Variants in GPC5 observed in about 807,000 individuals in gnomAD.
The protein encoded by GPC5 is glypican 5.
A neutral mutation model predicts 53.9 loss-of-function variants in GPC5; 47 were observed. The ratio of observed to expected loss-of-function variants is 0.87; its 90% CI spans 0.69 to 1.11. GPC5 has a LOEUF of 1.11. GPC5 is among the 50% of genes most tolerant of loss of function. The pLI is 0.00. For synonymous variants in GPC5, 286 were observed against 263.3 expected, an observed-to-expected ratio of 1.09 and a Z score of -0.84; for missense variants, 748 against 713.1, an observed-to-expected ratio of 1.05 and a Z score of -0.56.
In GPC5 at chr13:91,572,132, TACACATATGTATATATACGTGTGTATAC is replaced by T. The variant is rs1566517179; in HGVS notation, c.326-121049_326-121022del. 5.3e-4 allele frequency among the ~76,000 whole-genome samples: 61 copies of T among 115,328 alleles called. 2 individuals are homozygous for T. Among genetic ancestry groups the T allele is most frequent in the African/African-American group, 1.7e-3 (46 of 27,820 alleles). The allele number at this position is 115,328 out of a possible 152,430, so 75.7% of individuals were successfully genotyped here. Reference sequence around the variant, plus strand: ...ACACATGTATATATACGTGTGTATATACACATATGTATATATACGTGTGTATACACACACATATGTATATATACGTGTG... The same window carrying T: ...ACACATGTATATATACGTGTGTATATACACACATATGTATATATACGTGTG... On this transcript the variant is annotated intron_variant, in intron 2 of 7. Coordinates refer to ENST00000377067, the MANE Select transcript of GPC5 (RefSeq NM_004466.6).
intron 7 of GPC5, among the ~76,000 whole-genome samples, chr13:92,643,857 C>T (rs955584465): frequency 7.5e-6 from 1 of 133,908 alleles, no homozygotes; most frequent in African/African-American, 2.5e-5. Flanking sequence ...TGCACATGTA[C>T]CCTAAAACTT....
chr13:91,564,008 ACTCCT>A (rs2031412312), intron 2 of GPC5, among the ~76,000 whole-genome samples: 1 of 151,608 alleles, frequency 6.6e-6, no homozygotes, highest in Non-Finnish European at 1.5e-5. Flanking sequence ...GACCCAACCA[ACTCCT>A]CTTTTGGGCT....
chr13:91,493,815 A>C (rs756394619), intron 2 of GPC5, among the ~76,000 whole-genome samples: 6 of 152,120 alleles, frequency 3.9e-5, no homozygotes, highest in Non-Finnish European at 8.8e-5. Context: ...AATAGAGGAG[A>C]ATCTGCAAAC....
intron 7 of GPC5, among the ~76,000 whole-genome samples, chr13:92,757,490 TTAAAC>T (rs1343996842): frequency 3.3e-5 from 5 of 152,144 alleles, no homozygotes; most frequent in African/African-American, 4.8e-5. Context: ...TGGGATCTAA[TTAAAC>T]TAAAGAGCTT....
intron 6 of GPC5, among the ~76,000 whole-genome samples, chr13:91,997,019 C>A (rs2138745845): frequency 6.6e-6 from 1 of 151,662 alleles, no homozygotes; most frequent in African/African-American, 2.4e-5. Context: ...TATTAATATC[C>A]TTTATTGTTT....
At chr13:92,671,476 G>A (rs1157438767) in intron 7 of GPC5, among the ~76,000 whole-genome samples, 1 of 152,132 alleles carries the variant, frequency 6.6e-6, no homozygotes, top group Non-Finnish European at 1.5e-5. Context: ...CTGCATTTGT[G>A]ATCCCTTTGT....
chr13:91,809,233 G>T (rs1435388629), intron 5 of GPC5, among the ~76,000 whole-genome samples: 1 of 152,016 alleles, frequency 6.6e-6, no homozygotes, highest in Non-Finnish European at 1.5e-5. Flanking sequence ...CCTTTGATTT[G>T]CTATTATACC....
In GPC5 at chr13:91,676,466, G is replaced by T. The variant is rs1438771287; in HGVS notation, c.326-16721G>T. On this transcript the variant is annotated intron_variant, in intron 2 of 7. Coordinates refer to ENST00000377067, the MANE Select transcript of GPC5 (RefSeq NM_004466.6). The stretch of plus-strand genomic sequence containing the variant: ...ATATAGGTGTACTCAGAAACAGAAT[G>T]AAAAAAAAGTCAGCTTTTAATACAG... 2.0e-5 allele frequency among the ~76,000 whole-genome samples: 3 copies of T among 151,768 alleles called. No homozygotes were observed. In the East Asian group the frequency reaches 5.8e-4, roughly 29 times the overall value.
chr13:92,438,379 AATAAATATATATAT>A (rs1566590524), intron 7 of GPC5, among the ~76,000 whole-genome samples: 1 of 98,436 alleles, frequency 1.0e-5, no homozygotes. Flanking sequence ...TTTAAAGCAA[AATAAATATATATAT>A]ATATATATAT....
chr13:92,803,652 G>C (rs1021171877), intron 7 of GPC5, among the ~76,000 whole-genome samples: 8 of 151,704 alleles, frequency 5.3e-5, no homozygotes, highest in African/African-American at 1.9e-4. Flanking sequence ...CCCTAAACTT[G>C]TAACTTTTTC....
At chr13:92,213,128 G>A (rs2042386915) in intron 7 of GPC5, among the ~76,000 whole-genome samples, 1 of 152,142 alleles carries the variant, frequency 6.6e-6, no homozygotes, top group Admixed American at 6.6e-5. Flanking sequence ...TCAAAGCTCA[G>A]GTTTCTCAGA....
intron 7 of GPC5, among the ~76,000 whole-genome samples, chr13:92,633,186 C>T (rs1230115157): frequency 6.6e-6 from 1 of 152,188 alleles, no homozygotes; most frequent in Non-Finnish European, 1.5e-5. Flanking sequence ...AGCCACCACG[C>T]CCAGCCAAAA....
chr13:92,029,595 A>G (rs1287683248), intron 6 of GPC5, among the ~76,000 whole-genome samples: 3 of 152,172 alleles, frequency 2.0e-5, no homozygotes, highest in African/African-American at 7.2e-5. Context: ...TAAACTCTTG[A>G]CACCCCTGTC....
chr13:91,987,473 A>G (rs2040419386), intron 6 of GPC5, among the ~76,000 whole-genome samples: 1 of 152,154 alleles, frequency 6.6e-6, no homozygotes, highest in Non-Finnish European at 1.5e-5. Context: ...AAAGATTTGA[A>G]AGTTCACAGG....
chr13:92,247,010 A>G (rs1323809161), intron 7 of GPC5, among the ~76,000 whole-genome samples: 1 of 152,092 alleles, frequency 6.6e-6, no homozygotes, highest in East Asian at 1.9e-4. Flanking sequence ...CTTCTCCCAC[A>G]AGGACAATGG....
At chr13:91,902,251 G>A (rs1419125709) in intron 5 of GPC5, among the ~76,000 whole-genome samples, 2 of 151,952 alleles carry the variant, frequency 1.3e-5, no homozygotes, top group East Asian at 1.9e-4. Context: ...TTTCAAATAG[G>A]ACAAGCTGGT....
chr13:92,513,199 G>C (rs1880639358), intron 7 of GPC5, among the ~76,000 whole-genome samples: 1 of 152,200 alleles, frequency 6.6e-6, no homozygotes, highest in Admixed American at 6.5e-5. Flanking sequence ...TTTTCCTGTA[G>C]TGAAAATCAG....
chr13:91,744,969 T>C (rs1419806326), intron 4 of GPC5, among the ~76,000 whole-genome samples: 1 of 152,050 alleles, frequency 6.6e-6, no homozygotes, highest in African/African-American at 2.4e-5. Context: ...ACCAAAAAAT[T>C]ATAAGAGGTA....
intron 7 of GPC5, among the ~76,000 whole-genome samples, chr13:92,574,559 G>A (rs1883133518): frequency 6.6e-6 from 1 of 152,104 alleles, no homozygotes; most frequent in Non-Finnish European, 1.5e-5. Flanking sequence ...GCATGTTCCT[G>A]ATGATCTTTG....
Sources: allele counts gnomAD v4.1 joint callset (sites outside exome capture counted in the v4.1 genomes callset), GRCh38; gene constraint gnomAD v4.1.1; transcripts MANE v1.5; gene names NCBI Gene and HGNC (gene_info 2026-07-23, HGNC 2026-07-21).